The following ARHGAP24 variants were observed in gnomAD, a reference collection of about 807,000 sequenced individuals.
ARHGAP24 encodes Rho GTPase activating protein 24.
In ARHGAP24, 50 loss-of-function variants were observed where a neutral mutation model predicts 76.4. The observed-to-expected ratio is 0.65, with a 90% CI of 0.52 to 0.83. The LOEUF (loss-of-function observed/expected upper bound fraction) is 0.83. Among genes scored for constraint, ARHGAP24 ranks in the 40% least tolerant of loss-of-function variants. ARHGAP24 has a pLI of 0.00. For missense variants in ARHGAP24, 930 were observed against 914.2 expected (o/e 1.02, Z -0.22); for synonymous variants, 345 against 323.3 (o/e 1.07, Z -0.72).
intron 1 of ARHGAP24, among the ~76,000 whole-genome samples, chr4:85,488,725 A>C (rs1228207991): frequency 2.0e-5 from 3 of 152,156 alleles, no homozygotes; most frequent in African/African-American, 7.2e-5. Context: ...GCATATAATG[A>C]ATTGCCTCTT....
At chr4:85,733,060 C>CTTTTTTTTTTTTTTTCTTTTTT (rs1725471487) in intron 3 of ARHGAP24, among the ~76,000 whole-genome samples, 1 of 55,206 alleles carries the variant, frequency 1.8e-5, no homozygotes, top group African/African-American at 6.4e-5. Context: ...GCCTCACCAA[C>CTTTTTTTTTTTTTTTCTTTTTT]TTTTTTTTTT....
chr4:85,627,850 C>T (rs1277773635), intron 2 of ARHGAP24, among the ~76,000 whole-genome samples: 2 of 152,208 alleles, frequency 1.3e-5, no homozygotes, highest in African/African-American at 2.4e-5. Flanking sequence ...ATGAGTGAGA[C>T]TCCGTGGGCG....
At chr4:85,848,586 G>T (rs1378825729) in intron 3 of ARHGAP24, among the ~76,000 whole-genome samples, 1 of 152,024 alleles carries the variant, frequency 6.6e-6, no homozygotes, top group African/African-American at 2.4e-5. Flanking sequence ...TCTATCGTTG[G>T]ACATTTGGGT....
At chr4:85,853,327 T>G (rs1432405268) in intron 3 of ARHGAP24, among the ~76,000 whole-genome samples, 2 of 152,222 alleles carry the variant, frequency 1.3e-5, no homozygotes, top group African/African-American at 2.4e-5. Flanking sequence ...CTAAGACTGT[T>G]GGAAAAGCAC....
intron 2 of ARHGAP24, among the ~76,000 whole-genome samples, chr4:85,683,325 T>C (rs1480664443): frequency 6.6e-6 from 1 of 152,166 alleles, no homozygotes; most frequent in Non-Finnish European, 1.5e-5. Context: ...AATGGTGTGG[T>C]ATGATTAAAT....
intron 3 of ARHGAP24, among the ~76,000 whole-genome samples, chr4:85,898,718 A>G (rs1734330434): frequency 1.3e-5 from 2 of 152,144 alleles, no homozygotes; most frequent in Admixed American, 6.5e-5. Context: ...TCCAATAAGA[A>G]TTACTGGGAT....
At chr4:85,779,623 C>G (rs1464958315) in intron 3 of ARHGAP24, among the ~76,000 whole-genome samples, 2 of 151,804 alleles carry the variant, frequency 1.3e-5, no homozygotes, top group East Asian at 3.9e-4. Context: ...TTTAATGAAG[C>G]TTATCTTAGT....
chr4:85,526,271 T>C (rs903601960), intron 1 of ARHGAP24, among the ~76,000 whole-genome samples: 6 of 151,716 alleles, frequency 4.0e-5, no homozygotes, highest in Non-Finnish European at 7.4e-5. Flanking sequence ...CGTGGTAGTG[T>C]ACACCTGTAG....
chr4:85,843,858 T>C (rs559262175), intron 3 of ARHGAP24, among the ~76,000 whole-genome samples: 1 of 152,274 alleles, frequency 6.6e-6, no homozygotes, highest in Non-Finnish European at 1.5e-5. Context: ...AATGTTGACA[T>C]TGATACAAAA....
chr4:85,599,638 C>T (rs182309984), intron 2 of ARHGAP24, among the ~76,000 whole-genome samples: 8 of 152,028 alleles, frequency 5.3e-5, no homozygotes, highest in Non-Finnish European at 1.0e-4. Flanking sequence ...AAAACATTTC[C>T]CCTGAGAAAT....
intron 3 of ARHGAP24, among the ~76,000 whole-genome samples, chr4:85,730,601 G>T (rs896078350): frequency 3.3e-5 from 5 of 151,930 alleles, no homozygotes; most frequent in African/African-American, 1.2e-4. Flanking sequence ...TAGAGATGAG[G>T]TCTCACTATG....
chr4:85,851,415 G>T (rs1194851485), intron 3 of ARHGAP24, among the ~76,000 whole-genome samples: 1 of 152,146 alleles, frequency 6.6e-6, no homozygotes, highest in Non-Finnish European at 1.5e-5. Context: ...TTGTCAGTCT[G>T]TGTCTTTTAA....
At chr4:85,726,712 T>A (rs1192461765) in intron 3 of ARHGAP24, among the ~76,000 whole-genome samples, 1 of 152,170 alleles carries the variant, frequency 6.6e-6, no homozygotes, top group Non-Finnish European at 1.5e-5. Context: ...GTCTGTAGCC[T>A]TATCAGTATC....
At chr4:85,797,534 T>C (rs1728413586) in intron 3 of ARHGAP24, among the ~76,000 whole-genome samples, 1 of 152,218 alleles carries the variant, frequency 6.6e-6, no homozygotes, top group South Asian at 2.1e-4. Flanking sequence ...AAGGATTAAT[T>C]TATAGCTAAG....
chr4:85,977,387 CCTTT>C (rs1739404508), intron 7 of ARHGAP24, among the ~76,000 whole-genome samples, 179 bp from the exon 8 acceptor site: 1 of 152,124 alleles, frequency 6.6e-6, no homozygotes, highest in African/African-American at 2.4e-5. Flanking sequence ...AAAGTTTGAT[CCTTT>C]CTAATTTGCA....
intron 3 of ARHGAP24, among the ~76,000 whole-genome samples, chr4:85,777,331 G>A (rs1257657937): frequency 6.6e-6 from 1 of 152,196 alleles, no homozygotes; most frequent in Non-Finnish European, 1.5e-5. Context: ...AAACCAAACA[G>A]TGCATTTCTG....
chr4:85,564,404 GA>G, intron 1 of ARHGAP24, among the ~76,000 whole-genome samples: 1 of 142,400 alleles, frequency 7.0e-6, no homozygotes, highest in Non-Finnish European at 1.5e-5. Context: ...GGGGTGGGGG[GA>G]GCGGGGGGGA....
chr4:85,860,554 A>G (rs1731833807), intron 3 of ARHGAP24, among the ~76,000 whole-genome samples: 1 of 152,064 alleles, frequency 6.6e-6, no homozygotes, highest in Non-Finnish European at 1.5e-5. Context: ...AGAATAGATA[A>G]CTTCACTTTG....
chr4:85,711,569 T>C (rs1724528746), intron 2 of ARHGAP24, among the ~76,000 whole-genome samples: 2 of 152,214 alleles, frequency 1.3e-5, no homozygotes, highest in Non-Finnish European at 2.9e-5. Flanking sequence ...AAAGCAACTG[T>C]GTGATTAAGT....
Sources: allele counts gnomAD v4.1 joint callset (sites outside exome capture counted in the v4.1 genomes callset), GRCh38; gene constraint gnomAD v4.1.1; transcripts MANE v1.5; gene names NCBI Gene and HGNC (gene_info 2026-07-23, HGNC 2026-07-21).